Variants in STXBP5 observed in about 807,000 individuals in gnomAD.
STXBP5 encodes syntaxin-binding protein 5.
In STXBP5, 50 loss-of-function variants were observed where a neutral mutation model predicts 152.4. The ratio of observed to expected loss-of-function variants is 0.33; its 90% CI spans 0.26 to 0.42. STXBP5 has a LOEUF of 0.42. Among genes scored for constraint, STXBP5 ranks in the 10% least tolerant of loss-of-function variants. The pLI is 1.00. For synonymous variants in STXBP5, 492 were observed against 494.7 expected (o/e 0.99, Z 0.07); for missense variants, 1,167 against 1,388.6 (o/e 0.84, Z 2.54).
intron 2 of STXBP5, among the ~76,000 whole-genome samples, chr6:147,211,515 G>GA (rs954155215): frequency 2.0e-5 from 3 of 151,550 alleles, no homozygotes; most frequent in Admixed American, 1.3e-4. Flanking sequence ...TTATACCATG[G>GA]AAAAAAAATG....
intron 19 of STXBP5, among the ~76,000 whole-genome samples, chr6:147,338,860 C>T (rs117107784): frequency 0.023 from 3,516 of 151,470 alleles, 65 homozygotes; most frequent in Non-Finnish European, 0.036. Flanking sequence ...CAGATTTTTT[C>T]GAAGAAACAG....
chr6:147,321,686 A>G (rs1011145235), intron 16 of STXBP5, among the ~76,000 whole-genome samples: 2 of 152,238 alleles, frequency 1.3e-5, no homozygotes, highest in Non-Finnish European at 2.9e-5. Flanking sequence ...TGCTCAAACA[A>G]TCATTTTGAA....
At chr6:147,290,085 C>G (rs930349479) in intron 8 of STXBP5, among the ~76,000 whole-genome samples, 1 of 151,938 alleles carries the variant, frequency 6.6e-6, no homozygotes, top group Admixed American at 6.6e-5. Flanking sequence ...GGTATGCACC[C>G]GTGGTCTAAT....
chr6:147,313,909 C>A lies in STXBP5; in HGVS notation c.1171C>A (p.Pro391Thr). ...ATATCCTATATTTGAAAATCCCTAC[C>A]CTTTGAGTATACATGAGTCCCCTGT... ...NGYPIFENPYPLSIHESPVTC... is the reference protein window; with the variant it reads ...NGYPIFENPYTLSIHESPVTC... The change falls in exon 12 of 28, where the codon CCT (proline) becomes ACT (threonine). Residue 391 changes from proline to threonine, a missense_variant. Pro to Thr is a conservative substitution (Grantham distance 38). This residue lies in a region of STXBP5 where 833 missense variants were observed against 986.3 expected (regional missense o/e 0.84). Transcript: ENST00000321680. 3 of 1,566,496 alleles carry A rather than the reference C, an allele frequency of 1.9e-6. No individual in the cohort carries two copies. The highest frequency in any genetic ancestry group is 2.6e-6 in the Non-Finnish European group (3 of 1,148,694).
At chr6:147,339,884 A>G (rs879305022) in intron 21 of STXBP5, among the ~76,000 whole-genome samples, 3 of 151,980 alleles carry the variant, frequency 2.0e-5, no homozygotes, top group Non-Finnish European at 4.4e-5. Context: ...TCTCACCGCA[A>G]GTAAAAAATG....
At chr6:147,338,926 A>T (rs564325113) in intron 19 of STXBP5, among the ~76,000 whole-genome samples, 1 of 151,802 alleles carries the variant, frequency 6.6e-6, no homozygotes, top group South Asian at 2.1e-4. Flanking sequence ...ATATACCAAG[A>T]TTTTGCCAAA....
At chr6:147,340,740 A>G (rs1784051987) in intron 21 of STXBP5, among the ~76,000 whole-genome samples, 1 of 152,060 alleles carries the variant, frequency 6.6e-6, no homozygotes, top group South Asian at 2.1e-4. Context: ...CTATTTATTA[A>G]ATGTACTGAC....
Position 147,384,783 on chromosome 6 carries a change from A to G in STXBP5, c.*28A>G, listed in dbSNP as rs1427147933. 1.9e-6 allele frequency: 3 copies of G among 1,598,908 alleles called. No homozygotes were observed. The highest frequency in any genetic ancestry group is 4.5e-5 in the East Asian group (2 of 44,788). The stretch of plus-strand genomic sequence containing the variant: ...ACCAGAATCCAATAAGTCCAACTTC[A>G]GCCAGAAGGAAAAAAGTTTTCCATT... On this transcript the variant is annotated 3_prime_UTR_variant, in exon 28 of 28. Coordinates refer to ENST00000321680, the MANE Select transcript of STXBP5 (RefSeq NM_001127715.4).
At chr6:147,380,400 C>T (rs529757352) in intron 26 of STXBP5, among the ~76,000 whole-genome samples, 43 of 147,804 alleles carry the variant, frequency 2.9e-4, no homozygotes, top group African/African-American at 1.1e-3. Context: ...AATTACGTGG[C>T]CAAAGAATGG....
At chr6:147,370,240 TAAAG>T (rs1267321257) in intron 25 of STXBP5, among the ~76,000 whole-genome samples, 10 of 152,076 alleles carry the variant, frequency 6.6e-5, no homozygotes, top group Non-Finnish European at 8.8e-5. Flanking sequence ...ATGGGGTTGT[TAAAG>T]AAGGAATGAG....
intron 2 of STXBP5, among the ~76,000 whole-genome samples, chr6:147,220,552 C>G (rs1437513910): frequency 6.6e-6 from 1 of 152,078 alleles, no homozygotes; most frequent in African/African-American, 2.4e-5. Context: ...TATTTTGACA[C>G]TCTGTTCTTA....
intron 18 of STXBP5, chr6:147,328,838 G>A: frequency 2.2e-6 from 1 of 460,302 alleles, no homozygotes; most frequent in Middle Eastern, 3.3e-4. Context: ...GGGAGTTTTT[G>A]TGTTCATTTT....
At position 147,315,587 on chromosome 6, in the gene STXBP5, C is replaced by A. The variant is rs1271524688; in HGVS notation, c.1475C>A (p.Pro492Gln). Residue 492 changes from proline to glutamine, a missense_variant, in exon 15 of 28, where the codon CCA (proline) becomes CAA (glutamine). This residue lies in a region of STXBP5 where 833 missense variants were observed against 986.3 expected (regional missense o/e 0.84). Coordinates refer to ENST00000321680, the MANE Select transcript of STXBP5 (RefSeq NM_001127715.4). Reference protein sequence around the residue: ...FEKSRNKDDRPNTDIVDEDPY... With the variant: ...FEKSRNKDDRQNTDIVDEDPY... ...AAGTCAAGAAATAAAGATGACAGGC[C>A]AAACACAGACATTGTAGATGAAGAT... The A allele has an allele frequency of 1.2e-6, 2 of 1,613,712 alleles. No individual in the cohort carries two copies. Among genetic ancestry groups the A allele is most frequent in the South Asian group, 2.2e-5 (2 of 91,080 alleles).
chr6:147,329,856 T>A (rs1253494073), intron 18 of STXBP5, among the ~76,000 whole-genome samples: 1 of 152,012 alleles, frequency 6.6e-6, no homozygotes, highest in African/African-American at 2.4e-5. Context: ...CTCGATCTCC[T>A]GACCTCATGA....
intron 26 of STXBP5, among the ~76,000 whole-genome samples, chr6:147,378,127 C>G (rs1282267685): frequency 6.6e-6 from 1 of 152,052 alleles, no homozygotes; most frequent in Non-Finnish European, 1.5e-5. Flanking sequence ...TTGGGCTTCA[C>G]TAATATTTCT....
chr6:147,310,885 T>C (rs1782341426), intron 10 of STXBP5, among the ~76,000 whole-genome samples: 1 of 152,174 alleles, frequency 6.6e-6, no homozygotes, highest in Non-Finnish European at 1.5e-5. Context: ...TATATTTTTT[T>C]TTCACAGCAA....
intron 2 of STXBP5, among the ~76,000 whole-genome samples, chr6:147,234,525 C>A (rs183220887): frequency 6.6e-6 from 1 of 151,886 alleles, no homozygotes; most frequent in East Asian, 1.9e-4. Context: ...GTTTCCTTAT[C>A]TGTTTAAGTG....
At chr6:147,359,657 G>A (rs1175445536) in intron 23 of STXBP5, among the ~76,000 whole-genome samples, 6 of 126,616 alleles carry the variant, frequency 4.7e-5, no homozygotes, top group Admixed American at 3.2e-4. Context: ...TCCCCTTCCC[G>A]TGTCCATGTG....
At chr6:147,278,771 AAGTTT>A (rs1290124958) in intron 8 of STXBP5, among the ~76,000 whole-genome samples, 2 of 152,204 alleles carry the variant, frequency 1.3e-5, no homozygotes, top group African/African-American at 4.8e-5. Context: ...AAAACACATG[AAGTTT>A]AGAGGAAACC....
Sources: allele counts gnomAD v4.1 joint callset (sites outside exome capture counted in the v4.1 genomes callset), GRCh38; gene constraint gnomAD v4.1.1; regional missense constraint gnomAD v4.1.1; transcripts MANE v1.5; gene names NCBI Gene and HGNC (gene_info 2026-07-23, HGNC 2026-07-21).